The following SYNPO2 variants were observed in gnomAD, a reference collection of about 807,000 sequenced individuals.
SYNPO2 encodes the protein synaptopodin 2.
SYNPO2 carries 56 observed loss-of-function variants against 85.0 expected under a neutral mutation model. The observed-to-expected ratio is 0.66, with a 90% CI of 0.53 to 0.82. The LOEUF is 0.82. Among genes scored for constraint, SYNPO2 ranks in the 40% least tolerant of loss-of-function variants. SYNPO2 has a pLI of 0.00. For missense variants in SYNPO2, 1,575 were observed against 1,534.2 expected (o/e 1.03, Z -0.44); for synonymous variants, 602 against 591.1 (o/e 1.02, Z -0.27).
intron 1 of SYNPO2, among the ~76,000 whole-genome samples, chr4:118,905,820 A>G (rs1732918599): frequency 6.6e-6 from 1 of 152,154 alleles, no homozygotes; most frequent in African/African-American, 2.4e-5. Context: ...AGTGTCCTGG[A>G]GCCACGGTGG....
intron 4 of SYNPO2, among the ~76,000 whole-genome samples, chr4:119,054,013 C>T (rs943625195): frequency 5.3e-5 from 8 of 152,196 alleles, no homozygotes; most frequent in African/African-American, 1.7e-4. Context: ...CCTCAAGGTG[C>T]TACATCTAAT....
At chr4:118,882,793 G>A (rs1452642051) in intron 1 of SYNPO2, among the ~76,000 whole-genome samples, 1 of 149,396 alleles carries the variant, frequency 6.7e-6, no homozygotes, top group Non-Finnish European at 1.5e-5. Context: ...TTTTTGAGAC[G>A]GAGTCTCGCT....
chr4:119,027,953 GTGTATACTGAGCA>G (rs1738042000), intron 3 of SYNPO2, among the ~76,000 whole-genome samples: 1 of 152,148 alleles, frequency 6.6e-6, no homozygotes, highest in Admixed American at 6.5e-5. Context: ...ACAAGGACAT[GTGTATACTGAGCA>G]GTTACATGAT....
intron 1 of SYNPO2, among the ~76,000 whole-genome samples, chr4:118,856,128 G>A (rs1050207020): frequency 1.3e-5 from 2 of 152,146 alleles, no homozygotes; most frequent in Non-Finnish European, 1.5e-5. Flanking sequence ...GCTAGTCAGC[G>A]AGTCATTTGA....
At chr4:118,864,234 T>A (rs1731665709) in intron 1 of SYNPO2, among the ~76,000 whole-genome samples, 1 of 152,222 alleles carries the variant, frequency 6.6e-6, no homozygotes, top group South Asian at 2.1e-4. Flanking sequence ...AGGAGAGCAT[T>A]GTTTAATTTC....
Position 118,988,733 on chromosome 4 carries a change from G to A in SYNPO2, c.106-34697G>A, listed in dbSNP as rs187556399. Among the ~76,000 whole-genome samples, 24 of 152,300 alleles carry A rather than the reference G, an allele frequency of 1.6e-4. No individual in the cohort carries two copies. The East Asian group carries it at 4.4e-3, about 28-fold the overall frequency. On this transcript the variant is annotated intron_variant, in intron 1 of 4. Coordinates refer to ENST00000307142, the MANE Select transcript of SYNPO2 (RefSeq NM_133477.3). ...AGACATCCTGTGTGCCCTTTTCTCT[G>A]TAAGCACAGCTGTGAGAGCTACAGG... is the stretch of plus-strand genomic sequence containing the variant.
chr4:118,888,940 C>G lies in SYNPO2; in HGVS notation c.-97C>G. Reference sequence around the variant, plus strand: ...CGCTCTGCATTACCCAGTCTTGCGTCCTCGGCAGGCGCCCGAAGCTGAGTG... The same window carrying G: ...CGCTCTGCATTACCCAGTCTTGCGTGCTCGGCAGGCGCCCGAAGCTGAGTG... On this transcript the variant is annotated 5_prime_UTR_variant, in exon 1 of 5. Coordinates refer to ENST00000307142, the MANE Select transcript of SYNPO2 (RefSeq NM_133477.3). 1 of 1,259,246 alleles carries G rather than the reference C, an allele frequency of 7.9e-7. No homozygotes were observed. The highest frequency in any genetic ancestry group is 1.8e-5 in the Admixed American group (1 of 55,818). The allele number at this position is 1,259,246 out of a possible 1,614,324, so 78.0% of individuals were successfully genotyped here.
intron 2 of SYNPO2, among the ~76,000 whole-genome samples, chr4:119,024,704 A>G (rs1052410446): frequency 2.4e-4 from 36 of 152,310 alleles, no homozygotes; most frequent in Admixed American, 1.8e-3. Context: ...ATTACAAAGT[A>G]AGTAACTAAT....
intron 1 of SYNPO2, among the ~76,000 whole-genome samples, chr4:118,852,261 A>G (rs984243116): frequency 1.3e-5 from 2 of 152,198 alleles, no homozygotes; most frequent in African/African-American, 4.8e-5. Context: ...ACGTTTATAC[A>G]TTGTCTGTGG....
chr4:118,883,864 C>A (rs1302988349), upstream of SYNPO2, among the ~76,000 whole-genome samples: 1 of 152,094 alleles, frequency 6.6e-6, no homozygotes, highest in African/African-American at 2.4e-5. Context: ...ACTGTCTTTA[C>A]AGGCTACTAA....
intron 1 of SYNPO2, among the ~76,000 whole-genome samples, chr4:118,862,453 G>A (rs955923508): frequency 4.6e-5 from 7 of 152,156 alleles, no homozygotes; most frequent in African/African-American, 1.7e-4. Context: ...TATGATACTA[G>A]CTATGGATCT....
chr4:119,007,948 G>T (rs1001972831), intron 1 of SYNPO2, among the ~76,000 whole-genome samples: 2 of 152,080 alleles, frequency 1.3e-5, no homozygotes, highest in Non-Finnish European at 2.9e-5. Flanking sequence ...AATTTGTAAG[G>T]TACATTATTA....
chr4:119,037,431 G>A, intron 4 of SYNPO2: 5 of 1,138,792 alleles, frequency 4.4e-6, no homozygotes, highest in Non-Finnish European at 4.3e-6. Context: ...TGTTCTTCTT[G>A]GAAGTAAATA....
At chr4:118,970,125 C>T (rs974108421) in intron 1 of SYNPO2, among the ~76,000 whole-genome samples, 1 of 152,130 alleles carries the variant, frequency 6.6e-6, no homozygotes, top group Non-Finnish European at 1.5e-5. Context: ...TACTCACTTT[C>T]CACCTAGCAA....
intron 1 of SYNPO2, among the ~76,000 whole-genome samples, chr4:118,854,111 T>C (rs1382427607): frequency 6.6e-6 from 1 of 152,226 alleles, no homozygotes; most frequent in Admixed American, 6.5e-5. Flanking sequence ...AAAGTGTCAC[T>C]TAGAAAAATG....
intron 4 of SYNPO2, among the ~76,000 whole-genome samples, chr4:119,051,186 A>ATGTTGTTT (rs376359189): frequency 9.9e-6 from 1 of 100,720 alleles, no homozygotes; most frequent in East Asian, 3.2e-4. Context: ...ATGGGAAGCA[A>ATGTTGTTT]TTTTTTTTTT....
intron 1 of SYNPO2, among the ~76,000 whole-genome samples, chr4:118,868,955 G>T (rs1731750816): frequency 6.6e-6 from 1 of 152,228 alleles, no homozygotes; most frequent in Non-Finnish European, 1.5e-5. Flanking sequence ...ATGACCGCAG[G>T]AGATGTGCTT....
At chr4:119,037,366 G>T (rs1395745899) in intron 4 of SYNPO2, 26 of 1,239,478 alleles carry the variant, frequency 2.1e-5, no homozygotes, top group Non-Finnish European at 2.3e-5. Flanking sequence ...TCAAAAGTTT[G>T]TACTTGGCCC....
chr4:118,920,515 C>A (rs1192625612), intron 1 of SYNPO2, among the ~76,000 whole-genome samples: 5 of 152,042 alleles, frequency 3.3e-5, no homozygotes, highest in Non-Finnish European at 7.4e-5. Context: ...GGCACAGCAC[C>A]AGATACTTGT....
Sources: gnomAD v4.1 joint callset for allele counts (sites outside exome capture counted in the v4.1 genomes callset) on GRCh38, gnomAD v4.1.1 for gene constraint, MANE v1.5 for transcripts, NCBI Gene and HGNC (gene_info 2026-07-23, HGNC 2026-07-21) for gene names.